The following ZNF420 variants were observed in gnomAD, a reference collection of about 807,000 sequenced individuals.
The protein encoded by ZNF420 is zinc finger protein 420.
A neutral mutation model predicts 44.7 loss-of-function variants in ZNF420; 31 were observed. That is an observed-to-expected ratio of 0.69 (90% CI 0.52 to 0.94). The LOEUF is 0.94. Ranked by LOEUF, ZNF420 falls within the 40% of genes least tolerant of loss-of-function variation. The probability of loss-of-function intolerance (pLI) is 0.00; values close to 1 mark genes in which losing one functional copy is unlikely to be tolerated. For missense variants in ZNF420, 681 were observed against 827.9 expected, an observed-to-expected ratio of 0.82 and a Z score of 2.18; for synonymous variants, 245 against 267.4, an observed-to-expected ratio of 0.92 and a Z score of 0.82.
chr19:37,051,597 G>T (rs1472327392), intron 1 of ZNF420, among the ~76,000 whole-genome samples: 1 of 152,016 alleles, frequency 6.6e-6, no homozygotes, highest in African/African-American at 2.4e-5. Context: ...GCATCTATTT[G>T]ATTCTTCTCT....
At chr19:37,095,434 T>C (rs1001467713) in intron 4 of ZNF420, among the ~76,000 whole-genome samples, 2 of 152,216 alleles carry the variant, frequency 1.3e-5, no homozygotes, top group South Asian at 4.1e-4. Context: ...ACCTACAAAA[T>C]GGGCATTATT....
chr19:37,082,217 C>T (rs1249588326), intron 2 of ZNF420, among the ~76,000 whole-genome samples: 6 of 152,136 alleles, frequency 3.9e-5, no homozygotes, highest in Non-Finnish European at 8.8e-5. Flanking sequence ...GGCTGGAGTG[C>T]AGTGGTGTGA....
rs146033483 is a variant in ZNF420, at chr19:37,128,519, A to G, written c.1528A>G (p.Met510Val). 4.2e-5 allele frequency: 68 copies of G among 1,614,076 alleles called. No individual in the cohort carries two copies. The African/African-American group carries it at 8.5e-4, about 20-fold the overall frequency. Residue 510 changes from methionine (M) to valine (V), a missense_variant, in exon 5 of 5, where the codon ATG (methionine) becomes GTG (valine). This residue lies in a region of ZNF420 where 280 missense variants were observed against 338.6 expected (regional missense o/e 0.83). Coordinates refer to ENST00000337995, the MANE Select transcript of ZNF420 (RefSeq NM_144689.5). The part of the protein sequence containing the change: ...EKPYECKECR[M>V]AFTQSSHLSQ... ...ACCTTATGAATGTAAAGAATGTAGA[A>G]TGGCCTTTACTCAGAGTTCACATCT...
intron 4 of ZNF420, chr19:37,092,624 G>A (rs1969217063): frequency 6.6e-6 from 1 of 151,750 alleles, no homozygotes; most frequent in African/African-American, 2.4e-5. Context: ...TGAGGCAGGA[G>A]AATCGCTTGA....
intron 1 of ZNF420, among the ~76,000 whole-genome samples, chr19:37,017,170 G>A (rs1159718335): frequency 6.6e-6 from 1 of 152,170 alleles, no homozygotes. Flanking sequence ...CTAATGGAGA[G>A]GATCATGGGA....
upstream of ZNF420, among the ~76,000 whole-genome samples, chr19:37,074,874 A>G (rs1166196618): frequency 6.6e-6 from 1 of 152,238 alleles, no homozygotes; most frequent in Non-Finnish European, 1.5e-5. Flanking sequence ...TACACAGTGC[A>G]AATCATTATT....
At chr19:37,099,980 G>A (rs752036327) in intron 4 of ZNF420, among the ~76,000 whole-genome samples, 6 of 152,062 alleles carry the variant, frequency 3.9e-5, no homozygotes, top group Non-Finnish European at 7.4e-5. Context: ...TTACTTTGAT[G>A]TAGTATGTTT....
chr19:37,042,955 A>T (rs1446050823), intron 1 of ZNF420, among the ~76,000 whole-genome samples: 1 of 152,080 alleles, frequency 6.6e-6, no homozygotes, highest in Non-Finnish European at 1.5e-5. Context: ...AGGAAGAGAG[A>T]GAGCCAAGGA....
At chr19:37,014,358 C>T (rs1371697816) in intron 1 of ZNF420, among the ~76,000 whole-genome samples, 1 of 152,180 alleles carries the variant, frequency 6.6e-6, no homozygotes, top group Non-Finnish European at 1.5e-5. Context: ...GCCCCAGCGA[C>T]CCCCTTCACA....
intron 1 of ZNF420, among the ~76,000 whole-genome samples, chr19:37,035,291 G>A (rs2385415): frequency 0.56 from 85,403 of 152,036 alleles, 25,554 homozygotes; most frequent in African/African-American, 0.76. Flanking sequence ...TTCAGTTTGG[G>A]GCTGCCTGAT....
chr19:37,068,532 C>T (rs540369179), intron 1 of ZNF420, among the ~76,000 whole-genome samples: 27 of 151,888 alleles, frequency 1.8e-4, no homozygotes, highest in South Asian at 4.1e-4. Context: ...CCCAGCTACT[C>T]GGGAGGCTGA....
chr19:37,012,311 CGA>C (rs1249969002), intron 1 of ZNF420, among the ~76,000 whole-genome samples: 2 of 152,238 alleles, frequency 1.3e-5, no homozygotes, highest in Non-Finnish European at 2.9e-5. Flanking sequence ...GAGCGGAGCG[CGA>C]GTCGGCCTAG....
At position 37,064,373 on chromosome 19, in the gene ZNF420, C is replaced by G. The variant is rs181705331; in HGVS notation, c.-124-15972C>G. ...ATCTATTATTACTTATTTTAATGACCAGTTTGCTCCAGATTTGGCAAGTGG... is the reference window on the plus strand; with the variant it reads ...ATCTATTATTACTTATTTTAATGACGAGTTTGCTCCAGATTTGGCAAGTGG... On this transcript the variant is annotated intron_variant, in intron 1 of 4. Coordinates refer to the ZNF420 transcript ENST00000587029. Among the ~76,000 whole-genome samples, 8 of 152,098 alleles carry G rather than the reference C, an allele frequency of 5.3e-5. No individual in the cohort carries two copies. In the East Asian group the frequency reaches 1.5e-3, roughly 29 times the overall value.
At chr19:37,090,825 CAGG>C (rs910428226) in intron 3 of ZNF420, among the ~76,000 whole-genome samples, 167 bp from the exon 4 acceptor site, 1 of 150,180 alleles carries the variant, frequency 6.7e-6, no homozygotes, top group African/African-American at 2.4e-5. Flanking sequence ...GAGGCTGAGG[CAGG>C]AGAATTGCTT....
At chr19:37,063,357 C>A (rs1238889031) in intron 1 of ZNF420, among the ~76,000 whole-genome samples, 1 of 152,158 alleles carries the variant, frequency 6.6e-6, no homozygotes, top group Non-Finnish European at 1.5e-5. Flanking sequence ...AGCTTTATCT[C>A]TCCCTTTCCC....
At chr19:37,071,189 T>C (rs1968051772) in intron 1 of ZNF420, among the ~76,000 whole-genome samples, 1 of 152,172 alleles carries the variant, frequency 6.6e-6, no homozygotes, top group East Asian at 1.9e-4. Flanking sequence ...CACATTTCTA[T>C]CAACTGAGAA....
At chr19:37,048,057 AT>A (rs1347922978) in intron 1 of ZNF420, among the ~76,000 whole-genome samples, 3 of 152,146 alleles carry the variant, frequency 2.0e-5, no homozygotes, top group Admixed American at 2.0e-4. Flanking sequence ...GGGAGCTTTG[AT>A]TTTTTTAAAA....
At chr19:37,079,935 A>G (rs1246293346) in intron 1 of ZNF420, among the ~76,000 whole-genome samples, 1 of 152,180 alleles carries the variant, frequency 6.6e-6, no homozygotes, top group East Asian at 1.9e-4. Flanking sequence ...CGGAGGTTGC[A>G]GTGAGCCAAG....
chr19:37,065,006 A>G (rs1221918808), intron 1 of ZNF420, among the ~76,000 whole-genome samples: 1 of 152,258 alleles, frequency 6.6e-6, no homozygotes, highest in Non-Finnish European at 1.5e-5. Context: ...AATCCAACAA[A>G]GAAACAGGTG....
Sources: allele counts gnomAD v4.1 joint callset (sites outside exome capture counted in the v4.1 genomes callset), GRCh38; gene constraint gnomAD v4.1.1; regional missense constraint gnomAD v4.1.1; transcripts MANE v1.5; gene names NCBI Gene and HGNC (gene_info 2026-07-23, HGNC 2026-07-21).